The following LRP5 variants were observed in gnomAD, a reference collection of about 807,000 sequenced individuals.
LRP5 encodes low-density lipoprotein receptor-related protein 5.
A neutral mutation model predicts 154.1 loss-of-function variants in LRP5; 62 were observed. That is an observed-to-expected ratio of 0.40 (90% CI 0.33 to 0.50). The LOEUF is 0.50. Ranked by LOEUF, LRP5 falls within the 20% of genes least tolerant of loss-of-function variation. The probability of loss-of-function intolerance (pLI) is 0.55; values close to 1 mark genes in which losing one functional copy is unlikely to be tolerated. For synonymous variants in LRP5, 966 were observed against 1,011.5 expected, an observed-to-expected ratio of 0.96 and a Z score of 0.85; for missense variants, 1,915 against 2,336.7, an observed-to-expected ratio of 0.82 and a Z score of 3.72.
In LRP5 at chr11:68,423,674, C is replaced by T. The variant is rs771397740; in HGVS notation, c.3213C>T (p.Ala1071=). ...GTGGGGACCGCGACAAGCCCAGGGC[C>T]ATCGTCGTCAACGCGGAGCGAGGGT... is the stretch of plus-strand genomic sequence containing the variant. ...VLRGDRDKPR[A]IVVNAERGYL... Residue 1071 remains alanine, a synonymous_variant, in exon 14 of 23, where the codon GCC becomes GCT. Coordinates refer to ENST00000294304, the MANE Select transcript of LRP5 (RefSeq NM_002335.4). This position sits in a 1 kb window ranked among gnomAD's most constrained non-coding sequence, Gnocchi z 4.7. 3.1e-6 allele frequency: 5 copies of T among 1,613,192 alleles called. No individual in the cohort carries two copies. The South Asian group carries it at 5.5e-5, about 18-fold the overall frequency.
chr11:68,411,680 C>T, intron 11 of LRP5, 60 bp downstream of exon 11: 1 of 1,531,384 alleles, frequency 6.5e-7, no homozygotes, highest in Non-Finnish European at 8.8e-7. Context: ...CGTTGGCCAC[C>T]TCCCAGCCTC....
At chr11:68,448,679 C>T (rs2098682740) in intron 22 of LRP5, 130 bp from the exon 23 acceptor site, 1 of 1,178,218 alleles carries the variant, frequency 8.5e-7, no homozygotes, top group Non-Finnish European at 1.2e-6. Context: ...GGGGTGGGTC[C>T]AGAGTCCGGC....
chr11:68,384,882 G>A (rs1437326918), intron 5 of LRP5, among the ~76,000 whole-genome samples: 2 of 152,204 alleles, frequency 1.3e-5, no homozygotes, highest in Admixed American at 6.5e-5. Flanking sequence ...GGGTTTGCAC[G>A]CCTCTGGGCC....
At chr11:68,397,429 A>G (rs1211813259) in intron 7 of LRP5, among the ~76,000 whole-genome samples, 1 of 151,242 alleles carries the variant, frequency 6.6e-6, no homozygotes, top group East Asian at 1.9e-4. Flanking sequence ...CCTCTCCCGA[A>G]CCCCAGCCCC....
upstream of LRP5, among the ~76,000 whole-genome samples, chr11:68,311,787 G>A (rs2098588033): frequency 6.6e-6 from 1 of 152,324 alleles, no homozygotes; most frequent in Non-Finnish European, 1.5e-5. Flanking sequence ...ACTTAGACCC[G>A]CCAAGGGCAC....
chr11:68,362,005 C>T lies in LRP5; in HGVS notation c.687-1742C>T, dbSNP rs78008498. 7.7e-3 allele frequency among the ~76,000 whole-genome samples: 1,176 copies of T among 152,248 alleles called. 7 individuals are homozygous for T. Among genetic ancestry groups the T allele is most frequent in the African/African-American group, 0.026 (1,074 of 41,526 alleles). ...CCGTAGCAGCACTGTGCACAACAGC[C>T]GAGGGTGGAAATGACACAAAGGTCC... On this transcript the variant is annotated intron_variant, in intron 3 of 22. Transcript: ENST00000294304.
intron 1 of LRP5, among the ~76,000 whole-genome samples, chr11:68,341,587 A>T (rs922871647): frequency 6.6e-6 from 1 of 151,882 alleles, no homozygotes; most frequent in Non-Finnish European, 1.5e-5. Context: ...GAAACGAGAG[A>T]CCTTGGGCAC....
At chr11:68,361,286 C>T (rs1310513001) in intron 3 of LRP5, among the ~76,000 whole-genome samples, 1 of 145,700 alleles carries the variant, frequency 6.9e-6, no homozygotes, top group Non-Finnish European at 1.5e-5. Context: ...GCCTGGGCTA[C>T]AGAGCGAGAC....
rs762593049 is a variant in LRP5, at chr11:68,413,697, C to T, written c.2512C>T (p.Arg838Trp). 1.1e-5 allele frequency: 17 copies of T among 1,613,536 alleles called. No individual in the cohort carries two copies. In the South Asian group the frequency reaches 1.1e-4, roughly 10 times the overall value. Residue 838 changes from arginine (R) to tryptophan (W), a missense_variant, in exon 12 of 23, where the codon CGG becomes TGG. Arg to Trp is a moderately radical substitution (Grantham distance 101). This residue lies in a region of LRP5 where 1,094 missense variants were observed against 1,210.1 expected (regional missense o/e 0.90). Transcript: ENST00000294304. The surrounding 1 kb of genome is among the most constrained non-coding windows in gnomAD (Gnocchi z 5.1). ...IESSNMLGQE[R>W]VVIADDLPHP... Reference sequence around the variant, plus strand: ...CGTGTGTGTTCATGCAGGTCAGGAGCGGGTCGTGATTGCCGACGATCTCCC... The same window carrying T: ...CGTGTGTGTTCATGCAGGTCAGGAGTGGGTCGTGATTGCCGACGATCTCCC...
Position 68,411,578 on chromosome 11 carries a change from A to G in LRP5, c.2461A>G (p.Thr821Ala). The G allele has an allele frequency of 4.3e-6, 7 of 1,613,496 alleles. No homozygotes were observed. Among genetic ancestry groups the G allele is most frequent in the Non-Finnish European group, 5.9e-6 (7 of 1,179,980 alleles). ...IDYADQRLYW[T>A]DLDTNMIESS... is the part of the protein sequence containing the mutation. Reference sequence around the variant, plus strand: ...CTACGCTGACCAGCGCCTCTACTGGACCGACCTGGACACCAACATGATCGA... The same window carrying G: ...CTACGCTGACCAGCGCCTCTACTGGGCCGACCTGGACACCAACATGATCGA... Residue 821 changes from threonine to alanine, a missense_variant, in exon 11 of 23, where the codon ACC (threonine) becomes GCC (alanine). Physicochemically the swap from Thr to Ala is moderately conservative, Grantham distance 58 (BLOSUM62 0). Coordinates refer to ENST00000294304, the MANE Select transcript of LRP5 (RefSeq NM_002335.4).
rs1186337510 is a variant in LRP5, at chr11:68,344,013, A to AG, written c.92-3833dup. ...GGTGCAGGTGAAATGCAGACCTCTC[A>AG]GCTGGTGTTCCAGAGCAGCTGCCTT... On this transcript the variant is annotated intron_variant, in intron 1 of 22. Coordinates refer to ENST00000294304, the MANE Select transcript of LRP5 (RefSeq NM_002335.4). Among the ~76,000 whole-genome samples, 20 of 152,114 alleles carry AG rather than the reference A, an allele frequency of 1.3e-4. No individual in the cohort carries two copies. In the East Asian group the frequency reaches 3.9e-3, roughly 30 times the overall value.
chr11:68,373,328 C>G (rs1377437259), intron 5 of LRP5, among the ~76,000 whole-genome samples: 1 of 152,158 alleles, frequency 6.6e-6, no homozygotes, highest in Non-Finnish European at 1.5e-5. Context: ...CCCCAAGGGA[C>G]AGGGAGCAGC....
In LRP5 at chr11:68,348,079, C is replaced by G. The variant is rs11574419; in HGVS notation, c.324C>G (p.Val108=). 6.2e-7 allele frequency: 1 copy of G among 1,614,136 alleles called. No homozygotes were observed. The highest frequency in any genetic ancestry group is 1.7e-5 in the Admixed American group (1 of 60,028). ...AGAACGTGGTCATCTCCGGCCTGGT[C>G]TCTCCCGACGGCCTCGCCTGCGACT... ...AVQNVVISGL[V]SPDGLACDWV... The change falls in exon 2 of 23, where the codon GTC becomes GTG. Residue 108 remains valine, a synonymous_variant. Coordinates refer to ENST00000294304, the MANE Select transcript of LRP5 (RefSeq NM_002335.4).
At chr11:68,393,538 T>G (rs2098647557) in intron 7 of LRP5, among the ~76,000 whole-genome samples, 1 of 152,220 alleles carries the variant, frequency 6.6e-6, no homozygotes, top group African/African-American at 2.4e-5. Flanking sequence ...CCCAGCACTT[T>G]GGGAGGCCGT....
intron 6 of LRP5, among the ~76,000 whole-genome samples, chr11:68,389,600 C>T (rs1434355339): frequency 3.3e-5 from 5 of 152,194 alleles, no homozygotes; most frequent in Non-Finnish European, 5.9e-5. Context: ...TGACATTTAC[C>T]GACACCGACA....
chr11:68,443,585 A>T (rs11501422), intron 21 of LRP5, among the ~76,000 whole-genome samples: 2,808 of 24,574 alleles, frequency 0.11, 256 homozygotes, highest in African/African-American at 0.26. Flanking sequence ...ATATATATAT[A>T]TTTTTTTTTT....
chr11:68,431,291 G>C (rs2098671776), intron 17 of LRP5, among the ~76,000 whole-genome samples: 2 of 137,268 alleles, frequency 1.5e-5, no homozygotes, highest in South Asian at 4.7e-4. Context: ...GCAGGCTGAA[G>C]TGCAGTGGTG....
rs371339504 is a variant in LRP5 at position 68,416,301 on chromosome 11, C to T, written c.2828-27C>T. The T allele has an allele frequency of 3.1e-6, 5 of 1,607,514 alleles. No individual in the cohort carries two copies. The African/African-American group carries it at 5.3e-5, about 17-fold the overall frequency. On this transcript the variant is annotated intron_variant, in intron 12 of 22. Coordinates refer to ENST00000294304, the MANE Select transcript of LRP5 (RefSeq NM_002335.4). ...TCCTCTGTGGCTTACAGACACCCAC[C>T]TGCAGCCCTGTCTTTGCCTCCTCTA...
intron 13 of LRP5, among the ~76,000 whole-genome samples, chr11:68,421,347 A>G (rs1464181612): frequency 1.3e-5 from 2 of 152,040 alleles, no homozygotes. Context: ...GAGTGTGGCC[A>G]GGGTGTCACG....
Sources: allele counts gnomAD v4.1 joint callset (sites outside exome capture counted in the v4.1 genomes callset), GRCh38; gene constraint gnomAD v4.1.1; regional missense constraint gnomAD v4.1.1; non-coding constraint Gnocchi (gnomAD v3.1); transcripts MANE v1.5; gene names NCBI Gene and HGNC (gene_info 2026-07-23, HGNC 2026-07-21).